Variants in FYCO1 observed in about 807,000 individuals in gnomAD.
The protein encoded by FYCO1 is FYVE and coiled-coil domain-containing protein 1.
Under a neutral mutation model 165.1 loss-of-function variants are expected in FYCO1, and 122 were observed. That is an observed-to-expected ratio of 0.74 (90% confidence interval 0.64 to 0.86). The LOEUF (loss-of-function observed/expected upper bound fraction) is 0.86. Ranked by LOEUF, FYCO1 falls within the 40% of genes least tolerant of loss-of-function variation. FYCO1 has a pLI of 0.00. For synonymous variants in FYCO1, 648 were observed against 742.5 expected (o/e 0.87, Z 2.07); for missense variants, 1,702 against 1,810.3 (o/e 0.94, Z 1.09).
chr3:45,982,374 GA>G (rs1457222055), intron 2 of FYCO1, among the ~76,000 whole-genome samples: 1 of 152,152 alleles, frequency 6.6e-6, no homozygotes, highest in Admixed American at 6.5e-5. Context: ...TTTTGCAGAT[GA>G]GGAGTGTACA....
At position 45,966,351 on chromosome 3, in the gene FYCO1, C is replaced by T. The variant is rs765749713; in HGVS notation, c.2983G>A (p.Ala995Thr). 2 of 1,614,208 alleles carry T rather than the reference C, an allele frequency of 1.2e-6. No homozygotes were observed. Among genetic ancestry groups the T allele is most frequent in the Non-Finnish European group, 1.7e-6 (2 of 1,180,018 alleles). Residue 995 changes from alanine (A) to threonine (T), a missense_variant, in exon 8 of 18, where the codon GCT becomes ACT. By Grantham distance (58) the Ala-to-Thr change is moderately conservative (BLOSUM62 0). Transcript: ENST00000296137. ...AGGGTGTTGAGCTCCTGGTGTGCAG[C>T]CTCTTGGAGGCTCTGGGCCCGCTGC... ...AEQRAQSLQEAAHQELNTLKF... is the reference protein window; with the variant it reads ...AEQRAQSLQETAHQELNTLKF...
In FYCO1 at chr3:45,958,576, C is replaced by T. The variant is rs750023102; in HGVS notation, c.3631G>A (p.Val1211Ile). ...IFCYYCCNNY[V>I]LSKHGGKKER... ...TTTTTGCCACCGTGCTTGCTCAGGA[C>T]GTAGTTGTTGCAGCAGTAGTAACAG... Residue 1211 changes from valine (V) to isoleucine (I), a missense_variant, in exon 13 of 18, where the codon GTC (valine) becomes ATC (isoleucine). Coordinates refer to ENST00000296137, the MANE Select transcript of FYCO1 (RefSeq NM_024513.4). 4.2e-5 allele frequency: 67 copies of T among 1,614,070 alleles called. 1 individual carries two copies. In the East Asian group the frequency reaches 1.1e-3, roughly 26 times the overall value.
At chr3:45,981,491 T>A in intron 3 of FYCO1, 79 bp downstream of exon 3, 1 of 932,882 alleles carries the variant, frequency 1.1e-6, no homozygotes, top group Non-Finnish European at 1.7e-6. Flanking sequence ...CTGAACCATA[T>A]CTTGAATGCT....
At chr3:45,947,529 G>C in intron 14 of FYCO1, 1 of 1,599,718 alleles carries the variant, frequency 6.3e-7, no homozygotes, top group Non-Finnish European at 8.6e-7. Context: ...AGGGTTTCGA[G>C]AAGCTGCTCT....
At chr3:45,985,068 A>G (rs987659657) in intron 1 of FYCO1, 46 bp from the exon 2 acceptor site, 9 of 741,782 alleles carry the variant, frequency 1.2e-5, no homozygotes, top group Non-Finnish European at 2.0e-5. Flanking sequence ...ATACAGACAC[A>G]ATTTAACGAC....
chr3:45,969,639 C>A, intron 7 of FYCO1, 36 bp downstream of exon 7: 1 of 1,532,578 alleles, frequency 6.5e-7, no homozygotes, highest in Non-Finnish European at 9.0e-7. Context: ...CTGGTAGAAG[C>A]TATAGGAAGA....
chr3:45,928,092 G>A (rs781379807), intron 16 of FYCO1, among the ~76,000 whole-genome samples: 1 of 152,208 alleles, frequency 6.6e-6, no homozygotes, highest in Non-Finnish European at 1.5e-5. Context: ...TGGGGGCAGA[G>A]GTTGGGGAGT....
chr3:45,947,225 C>A, intron 14 of FYCO1: 1 of 1,614,198 alleles, frequency 6.2e-7, no homozygotes, highest in Non-Finnish European at 8.5e-7. Context: ...TGCCCTTCAA[C>A]CTCATGAAGT....
chr3:45,943,251 C>T (rs57269065), intron 14 of FYCO1, among the ~76,000 whole-genome samples: 31 of 152,198 alleles, frequency 2.0e-4, no homozygotes, highest in East Asian at 1.2e-3. Context: ...CTTTAGTTTA[C>T]GAATAAAGCT....
rs1363420605 is a variant in FYCO1, at chr3:45,925,652, A to G, written c.4252-1887T>C. On this transcript the variant is annotated intron_variant, in intron 16 of 17. Coordinates refer to ENST00000296137, the MANE Select transcript of FYCO1 (RefSeq NM_024513.4). ...AGTTCCCAAAGTGAAGTGAATTCCCACAAAGGACTCTGCCCTCAGGACTCT... is the reference window on the plus strand; with the variant it reads ...AGTTCCCAAAGTGAAGTGAATTCCCGCAAAGGACTCTGCCCTCAGGACTCT... Among the ~76,000 whole-genome samples the G allele has an allele frequency of 2.0e-5, 3 of 152,212 alleles. 1 individual carries two copies. The highest frequency in any genetic ancestry group is 4.1e-4 in the South Asian group (2 of 4,832).
intron 3 of FYCO1, among the ~76,000 whole-genome samples, chr3:45,981,101 C>T (rs1189323632): frequency 6.6e-6 from 1 of 152,206 alleles, no homozygotes; most frequent in South Asian, 2.1e-4. Flanking sequence ...GGTCTATGGA[C>T]TGCACATTGA....
At chr3:45,942,108 A>C (rs913777320) in intron 14 of FYCO1, among the ~76,000 whole-genome samples, 15 of 152,220 alleles carry the variant, frequency 9.9e-5, no homozygotes, top group African/African-American at 3.6e-4. Flanking sequence ...GTCTGAACGA[A>C]TTCATTCAAA....
In FYCO1 at chr3:45,968,210, GC is replaced by G; in HGVS notation, c.1123del (p.Ala375LeufsTer29). ...LASFPGWLAMAQQKADTASDT... is the reference protein window; with the variant it reads ...LASFPGWLAMXQQKADTASDT... Reference sequence around the variant, plus strand: ...TGATGCCGTATCTGCCTTCTGCTGAGCCATGGCTAGCCAGCCTGGGAAGCTG... The same window carrying G: ...TGATGCCGTATCTGCCTTCTGCTGAGCATGGCTAGCCAGCCTGGGAAGCTG... On this transcript the variant is annotated frameshift_variant, in exon 8 of 18. Coordinates refer to ENST00000296137, the MANE Select transcript of FYCO1 (RefSeq NM_024513.4). LOFTEE classifies it high-confidence loss of function. 6.2e-7 allele frequency: 1 copy of G among 1,613,986 alleles called. No homozygotes were observed. Among genetic ancestry groups the G allele is most frequent in the Non-Finnish European group, 8.5e-7 (1 of 1,180,042 alleles).
chr3:45,955,450 C>G, intron 13 of FYCO1, 57 bp from the exon 14 acceptor site: 1 of 1,602,670 alleles, frequency 6.2e-7, no homozygotes, highest in East Asian at 2.2e-5. Flanking sequence ...TATGCATAGG[C>G]TGGGTAAGGG....
chr3:45,987,497 A>C (rs752445973), intron 1 of FYCO1, among the ~76,000 whole-genome samples: 21 of 152,246 alleles, frequency 1.4e-4, no homozygotes, highest in Non-Finnish European at 2.8e-4. Context: ...AGGCCTAAAA[A>C]GTGAACAGGC....
In FYCO1 at chr3:45,962,757, C is replaced by T. The variant is rs1416949431; in HGVS notation, c.3270-365G>A. 1.3e-5 allele frequency among the ~76,000 whole-genome samples: 2 copies of T among 152,110 alleles called. No individual in the cohort carries two copies. The highest frequency in any genetic ancestry group is 2.9e-5 in the Non-Finnish European group (2 of 68,014). On this transcript the variant is annotated intron_variant, in intron 10 of 17. Coordinates refer to ENST00000296137, the MANE Select transcript of FYCO1 (RefSeq NM_024513.4). This position sits in a 1 kb window ranked among gnomAD's most constrained non-coding sequence, Gnocchi z 4.4. ...AGGAGGAGAAAGGAGTCAGGACAGGCAGGACAGAGGTGTAGCTTCCTGGAG... is the reference window on the plus strand; with the variant it reads ...AGGAGGAGAAAGGAGTCAGGACAGGTAGGACAGAGGTGTAGCTTCCTGGAG...
In FYCO1 at chr3:45,965,625, C is replaced by T. The variant is rs1705965323; in HGVS notation, c.3058-500G>A. ...TGCTCATCTCATTAACTTGTCTGTC[C>T]CAAGGGCCTTGTAAAAATGAAGTGA... On this transcript the variant is annotated intron_variant, in intron 8 of 17. Transcript: ENST00000296137. 2.0e-5 allele frequency among the ~76,000 whole-genome samples: 3 copies of T among 152,200 alleles called. No homozygotes were observed. In the South Asian group the frequency reaches 6.2e-4, roughly 31 times the overall value.
chr3:45,954,124 C>T (rs1705180957), intron 14 of FYCO1, among the ~76,000 whole-genome samples: 1 of 152,232 alleles, frequency 6.6e-6, no homozygotes, highest in Non-Finnish European at 1.5e-5. Flanking sequence ...CAAGCTTATC[C>T]AACCTGTGGC....
intron 15 of FYCO1, among the ~76,000 whole-genome samples, chr3:45,932,397 C>T (rs1000264484): frequency 1.4e-4 from 22 of 152,214 alleles, no homozygotes; most frequent in African/African-American, 5.3e-4. Context: ...CATGTTACTG[C>T]AATGGCTCCT....
Sources: gnomAD v4.1 joint callset for allele counts (sites outside exome capture counted in the v4.1 genomes callset) on GRCh38, gnomAD v4.1.1 for gene constraint, Gnocchi (gnomAD v3.1) non-coding constraint, MANE v1.5 for transcripts, NCBI Gene and HGNC (gene_info 2026-07-23, HGNC 2026-07-21) for gene names.